PIBF1: variants seen among roughly 807,000 people sequenced by gnomAD.
PIBF1 encodes the protein progesterone immunomodulatory binding factor 1.
Under a neutral mutation model 112.5 loss-of-function variants are expected in PIBF1, and 90 were observed. The ratio of observed to expected loss-of-function variants is 0.80; its 90% CI spans 0.67 to 0.95. The LOEUF is 0.95. PIBF1 is among the 40% of genes least tolerant of loss of function. The probability of loss-of-function intolerance (pLI) is 0.00; values close to 1 mark genes in which losing one functional copy is unlikely to be tolerated. For missense variants in PIBF1, 915 were observed against 852.3 expected (o/e 1.07, Z -0.92); for synonymous variants, 301 against 288.6 (o/e 1.04, Z -0.44).
chr13:72,976,522 A>C (rs1286132569), intron 16 of PIBF1, among the ~76,000 whole-genome samples: 1 of 152,242 alleles, frequency 6.6e-6, no homozygotes, highest in African/African-American at 2.4e-5. Flanking sequence ...TGTTTTAATA[A>C]TTTAACATTG....
intron 2 of PIBF1, among the ~76,000 whole-genome samples, chr13:72,789,725 AT>A (rs573665184): frequency 9.4e-5 from 14 of 148,226 alleles, no homozygotes; most frequent in African/African-American, 2.2e-4. Context: ...CAGATTTTTG[AT>A]TTTTTTTTTA....
chr13:73,014,035 C>T (rs1341036441), intron 17 of PIBF1, among the ~76,000 whole-genome samples: 2 of 151,596 alleles, frequency 1.3e-5, no homozygotes, highest in Non-Finnish European at 2.9e-5. Flanking sequence ...GAATCCCTTC[C>T]CTTCCCTTCC....
chr13:72,814,478 TTTTTAAGTAAAAAATTATATAATAAA>T (rs1433213176), intron 5 of PIBF1, among the ~76,000 whole-genome samples: 2 of 150,606 alleles, frequency 1.3e-5, no homozygotes, highest in Non-Finnish European at 3.0e-5. Flanking sequence ...ACTTAAATAA[TTTTTAAGTAAAAAATTATATAATAAA>T]TTTTAAGTAC....
intron 12 of PIBF1, among the ~76,000 whole-genome samples, chr13:72,914,583 C>G (rs1014523459): frequency 2.6e-5 from 4 of 152,102 alleles, no homozygotes; most frequent in Non-Finnish European, 4.4e-5. Flanking sequence ...TATCAATAGG[C>G]TAGTAATTTC....
chr13:72,863,531 A>G (rs2038790338), intron 10 of PIBF1, among the ~76,000 whole-genome samples: 1 of 151,620 alleles, frequency 6.6e-6, no homozygotes, highest in Admixed American at 6.6e-5. Flanking sequence ...GGTGGTGGGC[A>G]CCTGTAGTCC....
intron 14 of PIBF1, among the ~76,000 whole-genome samples, chr13:72,937,989 A>G (rs2041916505): frequency 1.3e-5 from 2 of 152,120 alleles, no homozygotes; most frequent in South Asian, 2.1e-4. Flanking sequence ...TTCCTTTAAC[A>G]ATTTTTATAG....
chr13:72,901,350 T>C (rs1339076114), intron 11 of PIBF1, among the ~76,000 whole-genome samples: 1 of 152,112 alleles, frequency 6.6e-6, no homozygotes, highest in Non-Finnish European at 1.5e-5. Flanking sequence ...AAAACCACGA[T>C]ACAGTACCCC....
intron 9 of PIBF1, among the ~76,000 whole-genome samples, chr13:72,845,750 A>G (rs1208657656): frequency 2.0e-5 from 3 of 152,160 alleles, no homozygotes; most frequent in African/African-American, 7.2e-5. Context: ...TTCTCTAATT[A>G]TCAGTGATGA....
chr13:72,952,314 A>G (rs929399506), intron 14 of PIBF1, among the ~76,000 whole-genome samples: 2 of 151,978 alleles, frequency 1.3e-5, no homozygotes, highest in Non-Finnish European at 2.9e-5. Flanking sequence ...TTGGCCTCCC[A>G]AAGTGCTGAG....
At chr13:72,970,958 A>G (rs1172163122) in intron 15 of PIBF1, among the ~76,000 whole-genome samples, 1 of 152,192 alleles carries the variant, frequency 6.6e-6, no homozygotes, top group Non-Finnish European at 1.5e-5. Context: ...CAGGTGCAAC[A>G]TAATTGTTCT....
intron 12 of PIBF1, among the ~76,000 whole-genome samples, chr13:72,909,780 C>G (rs2040835100): frequency 6.6e-6 from 1 of 152,162 alleles, no homozygotes; most frequent in South Asian, 2.1e-4. Flanking sequence ...ACGTGAGCCA[C>G]TGTGCCCAGC....
intron 10 of PIBF1, among the ~76,000 whole-genome samples, chr13:72,878,045 G>A (rs1032542164): frequency 6.6e-6 from 1 of 151,844 alleles, no homozygotes; most frequent in Non-Finnish European, 1.5e-5. Context: ...CACCATGCCC[G>A]GCCTTCATTT....
chr13:72,925,080 T>A (rs986582645), intron 13 of PIBF1, among the ~76,000 whole-genome samples: 2 of 152,124 alleles, frequency 1.3e-5, no homozygotes, highest in African/African-American at 4.8e-5. Flanking sequence ...TTAGTTCCAG[T>A]GAGATTATAG....
intron 2 of PIBF1, among the ~76,000 whole-genome samples, chr13:72,785,959 A>C (rs1424252865): frequency 2.6e-5 from 4 of 152,180 alleles, no homozygotes; most frequent in African/African-American, 9.7e-5. Context: ...CTCTAGTGTA[A>C]CAAATCCAAA....
At chr13:73,007,071 C>T (rs781587456) in intron 17 of PIBF1, among the ~76,000 whole-genome samples, 3 of 151,232 alleles carry the variant, frequency 2.0e-5, no homozygotes, top group Non-Finnish European at 4.4e-5. Flanking sequence ...CTGTAAAGCA[C>T]TTCATATTAT....
intron 9 of PIBF1, among the ~76,000 whole-genome samples, chr13:72,844,760 C>CACACACACACGGATGAAGTCTTACTGTTT (rs2037775521): frequency 1.5e-5 from 2 of 129,572 alleles, no homozygotes; most frequent in African/African-American, 6.2e-5. Flanking sequence ...CACACACACA[C>CACACACACACGGATGAAGTCTTACTGTTT]ACACACACAC....
intron 9 of PIBF1, among the ~76,000 whole-genome samples, chr13:72,852,645 T>TG (rs1419021932): frequency 6.6e-6 from 1 of 152,184 alleles, no homozygotes. Flanking sequence ...CCAAGGATCC[T>TG]GTGACAGCAC....
chr13:72,827,198 A>T, intron 7 of PIBF1, 80 bp downstream of exon 7: 1 of 515,464 alleles, frequency 1.9e-6, no homozygotes, highest in Non-Finnish European at 3.2e-6. Flanking sequence ...TTTGAAGGAG[A>T]GACATTTTTT....
chr13:72,928,028 T>TATATATATATATATAC (rs1594213982), intron 13 of PIBF1, among the ~76,000 whole-genome samples: 10 of 58,856 alleles, frequency 1.7e-4, no homozygotes, highest in African/African-American at 3.0e-4. Context: ...TATATATACA[T>TATATATATATATATAC]ATATATATAT....
Sources: allele counts gnomAD v4.1 joint callset (sites outside exome capture counted in the v4.1 genomes callset), GRCh38; gene constraint gnomAD v4.1.1; transcripts MANE v1.5; gene names NCBI Gene and HGNC (gene_info 2026-07-23, HGNC 2026-07-21).